Variants in ADAMTSL1 observed in about 807,000 individuals in gnomAD.
ADAMTSL1 encodes the protein ADAMTS-like protein 1.
A neutral mutation model predicts 201.8 loss-of-function variants in ADAMTSL1; 126 were observed. That is an observed-to-expected ratio of 0.62 (90% CI 0.54 to 0.72). The LOEUF (loss-of-function observed/expected upper bound fraction) is 0.72, where lower values mean the gene tolerates loss of function less well. Ranked by LOEUF, ADAMTSL1 falls within the 30% of genes least tolerant of loss-of-function variation. The pLI, the probability that ADAMTSL1 is intolerant of heterozygous loss-of-function variation, is 0.00. For synonymous variants in ADAMTSL1, 1,121 were observed against 903.4 expected, an observed-to-expected ratio of 1.24 and a Z score of -4.32; for missense variants, 2,679 against 2,277.8, an observed-to-expected ratio of 1.18 and a Z score of -3.59.
chr9:18,659,946 G>C (rs1011240527), intron 8 of ADAMTSL1, among the ~76,000 whole-genome samples: 1 of 151,778 alleles, frequency 6.6e-6, no homozygotes, highest in Admixed American at 6.6e-5. Context: ...ACCATGCTTT[G>C]TGAGAAATAG....
At chr9:18,859,788 T>TAAAG (rs897931276) in intron 23 of ADAMTSL1, among the ~76,000 whole-genome samples, 3 of 152,244 alleles carry the variant, frequency 2.0e-5, no homozygotes, top group African/African-American at 7.2e-5. Context: ...TAATTATCTA[T>TAAAG]AAAGAGTTGA....
At chr9:18,738,377 T>A (rs1427779502) in intron 15 of ADAMTSL1, among the ~76,000 whole-genome samples, 2 of 151,866 alleles carry the variant, frequency 1.3e-5, no homozygotes, top group African/African-American at 4.8e-5. Context: ...TATCTGAGAG[T>A]GAAAAGTAGA....
intron 2 of ADAMTSL1, among the ~76,000 whole-genome samples, chr9:18,519,416 C>G (rs1818551088): frequency 6.6e-6 from 1 of 152,198 alleles, no homozygotes; most frequent in Non-Finnish European, 1.5e-5. Context: ...ATTCTTGGGA[C>G]TCCTATCACC....
chr9:18,454,971 C>A (rs1324238690), intron 2 of ADAMTSL1, among the ~76,000 whole-genome samples: 1 of 152,136 alleles, frequency 6.6e-6, no homozygotes, highest in East Asian at 1.9e-4. Flanking sequence ...ACCTGTTTCA[C>A]AAATACTGCA....
chr9:18,153,046 T>G (rs1166786420), intron 1 of ADAMTSL1, among the ~76,000 whole-genome samples: 6 of 66,962 alleles, frequency 9.0e-5, no homozygotes, highest in African/African-American at 2.4e-4. Context: ...CAGCATGAAG[T>G]AGAAAAAAAA....
chr9:18,065,116 T>C (rs372007694), intron 1 of ADAMTSL1, among the ~76,000 whole-genome samples: 7 of 152,156 alleles, frequency 4.6e-5, no homozygotes, highest in African/African-American at 1.7e-4. Context: ...TCTCTGCAGC[T>C]GGGAAAGTAA....
chr9:18,757,815 C>G (rs1054455527), intron 16 of ADAMTSL1, among the ~76,000 whole-genome samples: 1 of 152,160 alleles, frequency 6.6e-6, no homozygotes, highest in African/African-American at 2.4e-5. Flanking sequence ...CCATAACTCC[C>G]AGGACACATC....
At chr9:17,916,374 T>C (rs911362149) in intron 1 of ADAMTSL1, among the ~76,000 whole-genome samples, 1 of 152,240 alleles carries the variant, frequency 6.6e-6, no homozygotes, top group African/African-American at 2.4e-5. Flanking sequence ...ATTGTGATTT[T>C]GTTCTTGTTT....
intron 16 of ADAMTSL1, among the ~76,000 whole-genome samples, chr9:18,757,612 C>T (rs1020484399): frequency 1.3e-5 from 2 of 152,266 alleles, no homozygotes; most frequent in African/African-American, 4.8e-5. Context: ...TTCCCACTCC[C>T]CTGTGCTGGT....
At chr9:18,388,576 GAC>G (rs2133211841) in intron 2 of ADAMTSL1, among the ~76,000 whole-genome samples, 1 of 150,934 alleles carries the variant, frequency 6.6e-6, no homozygotes, top group South Asian at 2.1e-4. Context: ...GTTCGGCCTG[GAC>G]TTTATATTTA....
At chr9:18,585,243 C>A (rs1823406880) in intron 4 of ADAMTSL1, among the ~76,000 whole-genome samples, 1 of 152,068 alleles carries the variant, frequency 6.6e-6, no homozygotes, top group Non-Finnish European at 1.5e-5. Flanking sequence ...GAAAGAGTTT[C>A]TATGGCTTAA....
At chr9:18,574,424 A>C (rs1822570550) in intron 4 of ADAMTSL1, 158 bp downstream of exon 4, 3 of 756,224 alleles carry the variant, frequency 4.0e-6, no homozygotes, top group Non-Finnish European at 6.9e-6. Flanking sequence ...TTTCAGTGAA[A>C]AGTACCAAGT....
At chr9:18,693,181 A>C (rs1831338166) in intron 13 of ADAMTSL1, among the ~76,000 whole-genome samples, 1 of 152,220 alleles carries the variant, frequency 6.6e-6, no homozygotes, top group South Asian at 2.1e-4. Flanking sequence ...ATGATAAGGC[A>C]GTGTTTGACC....
intron 5 of ADAMTSL1, among the ~76,000 whole-genome samples, chr9:18,629,283 G>C (rs187686252): frequency 7.6e-4 from 116 of 152,140 alleles, no homozygotes; most frequent in Admixed American, 1.6e-3. Flanking sequence ...CAATACAATA[G>C]TGAATAGGAA....
At chr9:18,110,732 G>T (rs74609706) in intron 1 of ADAMTSL1, among the ~76,000 whole-genome samples, 2,452 of 152,252 alleles carry the variant, frequency 0.016, 74 homozygotes, top group African/African-American at 0.056. Flanking sequence ...AAAGGGACCA[G>T]ATTTAATGAA....
At chr9:18,581,791 G>C (rs1047608013) in intron 4 of ADAMTSL1, among the ~76,000 whole-genome samples, 1 of 152,176 alleles carries the variant, frequency 6.6e-6, no homozygotes, top group African/African-American at 2.4e-5. Flanking sequence ...AAATCCACTA[G>C]ATTTCAAGGC....
rs760384630 is a variant in ADAMTSL1 at position 18,777,600 on chromosome 9, A to AGCGCAGGACTTCCCCAGTGACTCTCTC, written c.3374_3400dup (p.Arg1125_Ser1133dup). The AGCGCAGGACTTCCCCAGTGACTCTCTC allele has an allele frequency of 6.2e-7, 1 of 1,613,060 alleles. No individual in the cohort carries two copies. Among genetic ancestry groups the AGCGCAGGACTTCCCCAGTGACTCTCTC allele is most frequent in the Non-Finnish European group, 8.5e-7 (1 of 1,179,632 alleles). Reference sequence around the variant, plus strand: ...CAGGACACGCTCCTGAAGCCCTCGGAGCGCAGGACTTCCCCAGTGACTCTC... The same window carrying AGCGCAGGACTTCCCCAGTGACTCTCTC: ...CAGGACACGCTCCTGAAGCCCTCGGAGCGCAGGACTTCCCCAGTGACTCTCTCGCGCAGGACTTCCCCAGTGACTCTC... On this transcript the variant is annotated inframe_insertion, in exon 19 of 29. Coordinates refer to ENST00000380548, the MANE Select transcript of ADAMTSL1 (RefSeq NM_001040272.6).
chr9:18,467,354 T>C (rs867497431), intron 2 of ADAMTSL1, among the ~76,000 whole-genome samples: 24 of 152,322 alleles, frequency 1.6e-4, no homozygotes, highest in African/African-American at 5.5e-4. Context: ...GGAAAATAAC[T>C]CTTAAAGCTT....
intron 7 of ADAMTSL1, among the ~76,000 whole-genome samples, chr9:18,657,156 C>A (rs1293493752): frequency 6.6e-6 from 1 of 152,182 alleles, no homozygotes; most frequent in African/African-American, 2.4e-5. Context: ...GGACAAGAAG[C>A]CCAATATGTG....
Sources: allele counts gnomAD v4.1 joint callset (sites outside exome capture counted in the v4.1 genomes callset), GRCh38; gene constraint gnomAD v4.1.1; transcripts MANE v1.5; gene names NCBI Gene and HGNC (gene_info 2026-07-23, HGNC 2026-07-21).